Variants in MROH2B observed in about 807,000 individuals in gnomAD.
MROH2B encodes maestro heat-like repeat-containing protein family member 2B.
In MROH2B, 177 loss-of-function variants were observed where a neutral mutation model predicts 208.6. That is an observed-to-expected ratio of 0.85 (90% CI 0.75 to 0.96). The LOEUF (loss-of-function observed/expected upper bound fraction) is 0.96. Ranked by LOEUF, MROH2B falls within the 40% of genes least tolerant of loss-of-function variation. The pLI is 0.00. For synonymous variants in MROH2B, 728 were observed against 659.0 expected, an observed-to-expected ratio of 1.10 and a Z score of -1.60; for missense variants, 2,002 against 1,878.7, an observed-to-expected ratio of 1.07 and a Z score of -1.21.
Position 41,027,260 on chromosome 5 carries a change from A to C in MROH2B, c.2441+5482T>G, listed in dbSNP as rs552641150. ...ATCAGAGTGAACAGACAACCTACAAAATGGGAGAAAATTTTTGCAATCTAC... is the reference window on the plus strand; with the variant it reads ...ATCAGAGTGAACAGACAACCTACAACATGGGAGAAAATTTTTGCAATCTAC... On this transcript the variant is annotated intron_variant, in intron 24 of 41. Transcript: ENST00000399564. 3.9e-5 allele frequency among the ~76,000 whole-genome samples: 6 copies of C among 152,324 alleles called. No individual in the cohort carries two copies. In the South Asian group the frequency reaches 1.2e-3, roughly 32 times the overall value.
At chr5:41,043,331 T>C (rs2150172383) in intron 18 of MROH2B, among the ~76,000 whole-genome samples, 1 of 152,252 alleles carries the variant, frequency 6.6e-6, no homozygotes, top group Admixed American at 6.5e-5. Context: ...CAGGCCAAAG[T>C]CCCTATAATA....
At chr5:41,069,812 T>G in intron 1 of MROH2B, 60 bp from the exon 2 acceptor site, 1 of 1,253,800 alleles carries the variant, frequency 8.0e-7, no homozygotes, top group Admixed American at 2.0e-5. Flanking sequence ...CTGTTAATTA[T>G]TTTGTAATCA....
At chr5:41,033,745 A>G in intron 22 of MROH2B, 93 bp downstream of exon 22, 2 of 1,024,608 alleles carry the variant, frequency 2.0e-6, no homozygotes, top group Non-Finnish European at 2.9e-6. Flanking sequence ...AATCAAATCA[A>G]AAGGACATCT....
chr5:41,058,457 T>C (rs1279746190), intron 6 of MROH2B, among the ~76,000 whole-genome samples: 1 of 152,142 alleles, frequency 6.6e-6, no homozygotes, highest in African/African-American at 2.4e-5. Context: ...TCCTATTTTT[T>C]ATTTTATTGT....
intron 24 of MROH2B, among the ~76,000 whole-genome samples, chr5:41,019,343 T>TGAGAGA (rs143190915): frequency 2.1e-5 from 3 of 144,102 alleles, no homozygotes; most frequent in Non-Finnish European, 4.7e-5. Flanking sequence ...TGTGTGTGTG[T>TGAGAGA]GAGAGAGAGT....
At position 41,069,751 on chromosome 5, in the gene MROH2B, C is replaced by G. The variant is rs755413766; in HGVS notation, c.30G>C (p.Glu10Asp). The G allele has an allele frequency of 6.3e-7, 1 of 1,595,002 alleles. No individual in the cohort carries two copies. The highest frequency in any genetic ancestry group is 1.7e-5 in the Admixed American group (1 of 58,828). Reference protein sequence around the residue: MTLSTEESIEMFGDINLTLG... With the variant: MTLSTEESIDMFGDINLTLG... The stretch of plus-strand genomic sequence containing the variant: ...GAGTGAGGTTAATATCCCCAAACAT[C>G]TCTAAAACGTACAGAAAAATATGAA... Residue 10 changes from glutamate to aspartate, a missense_variant and splice_region_variant, in exon 2 of 42, where the codon GAG becomes GAC. By Grantham distance (45) the Glu-to-Asp change is conservative (BLOSUM62 2). Coordinates refer to ENST00000399564, the MANE Select transcript of MROH2B (RefSeq NM_173489.5).
At chr5:41,018,815 C>G (rs371140502) in intron 25 of MROH2B, 29 bp from the exon 26 acceptor site, 19 of 1,613,580 alleles carry the variant, frequency 1.2e-5, no homozygotes, top group Non-Finnish European at 1.5e-5. Flanking sequence ...GTGTGAGTCT[C>G]AGGCTGGGGT....
intron 6 of MROH2B, among the ~76,000 whole-genome samples, chr5:41,058,784 C>T (rs1230861697): frequency 2.6e-5 from 4 of 152,106 alleles, no homozygotes; most frequent in African/African-American, 4.8e-5. Flanking sequence ...GGATGGCTCA[C>T]GCCTGTAATC....
intron 2 of MROH2B, 80 bp downstream of exon 2, chr5:41,069,611 T>C: frequency 8.7e-7 from 1 of 1,146,098 alleles, no homozygotes; most frequent in South Asian, 1.4e-5. Flanking sequence ...ATGAGAAAGT[T>C]GAGACAAAGA....
chr5:41,040,089 G>A (rs1272001543), intron 19 of MROH2B, among the ~76,000 whole-genome samples: 2 of 152,102 alleles, frequency 1.3e-5, no homozygotes. Context: ...ATTACAGTAG[G>A]GCCTTTTAGG....
chr5:41,006,896 G>C (rs1179355516), intron 34 of MROH2B, among the ~76,000 whole-genome samples: 4 of 152,072 alleles, frequency 2.6e-5, no homozygotes, highest in Admixed American at 1.3e-4. Context: ...CACTCCTCAG[G>C]TGATGGGTGC....
At chr5:41,033,781 T>TTATA in intron 22 of MROH2B, 57 bp downstream of exon 22, 5 of 770,634 alleles carry the variant, frequency 6.5e-6, no homozygotes, top group Middle Eastern at 2.8e-4. Context: ...CAGGGGGGCA[T>TTATA]TATCTATCTA....
intron 24 of MROH2B, among the ~76,000 whole-genome samples, chr5:41,022,931 AG>A (rs199806357): frequency 0.12 from 18,357 of 152,218 alleles, 1,565 homozygotes; most frequent in Non-Finnish European, 0.18. Context: ...CCAGGCAAAC[AG>A]GGTCTGGAGT....
At chr5:41,010,270 A>G (rs558672181) in intron 30 of MROH2B, among the ~76,000 whole-genome samples, 191 bp from the exon 31 acceptor site, 1 of 152,354 alleles carries the variant, frequency 6.6e-6, no homozygotes, top group South Asian at 2.1e-4. Flanking sequence ...GTTCCTAATT[A>G]AATTTAGGAA....
rs561770459 is a variant in MROH2B, at chr5:41,045,833, C to T, written c.1749G>A (p.Trp583Ter). Residue 583 changes from tryptophan to a stop codon, truncating the protein, a stop_gained, in exon 18 of 42, where the codon TGG (tryptophan) becomes TGA (stop). Transcript: ENST00000399564. LOFTEE classifies it high-confidence loss of function. ...MLLQLLKESL[W>*]KISDVAWTIQ... ...TGGTCCAGGCCACATCACTGATCTT[C>T]CATAAGGATTCTTTGAGCAACTGTT... The T allele has an allele frequency of 6.2e-7, 1 of 1,611,774 alleles. No homozygotes were observed. The highest frequency in any genetic ancestry group is 1.3e-5 in the African/African-American group (1 of 74,976).
intron 24 of MROH2B, among the ~76,000 whole-genome samples, chr5:41,030,191 G>A (rs560994254): frequency 6.6e-6 from 1 of 151,962 alleles, no homozygotes; most frequent in East Asian, 1.9e-4. Flanking sequence ...TATACAAACA[G>A]CTAACAAACA....
chr5:40,998,284 G>A, intron 41 of MROH2B, 126 bp from the exon 42 acceptor site: 1 of 687,058 alleles, frequency 1.5e-6, no homozygotes, highest in South Asian at 1.8e-5. Context: ...AGGTCCTCAT[G>A]CTCACATTTT....
rs767224420 is a variant in MROH2B, at chr5:41,015,495, G to A, written c.2885-17C>T. 6 of 1,611,342 alleles carry A rather than the reference G, an allele frequency of 3.7e-6. No individual in the cohort carries two copies. The highest frequency in any genetic ancestry group is 5.1e-6 in the Non-Finnish European group (6 of 1,178,154). ...AGTGAATGCCTAAAATCAACAAAGT[G>A]AGAAATGTTTAAGTGTTCAAAGACC... is the stretch of plus-strand genomic sequence containing the variant. On this transcript the variant is annotated splice_polypyrimidine_tract_variant and intron_variant, in intron 28 of 41. Transcript: ENST00000399564.
chr5:41,062,127 T>C (rs181199478), intron 5 of MROH2B, among the ~76,000 whole-genome samples: 1 of 152,324 alleles, frequency 6.6e-6, no homozygotes, highest in Admixed American at 6.5e-5. Context: ...CGTGTGTAGA[T>C]ATGAGCACTA....
Sources: allele counts gnomAD v4.1 joint callset (sites outside exome capture counted in the v4.1 genomes callset), GRCh38; gene constraint gnomAD v4.1.1; transcripts MANE v1.5; gene names NCBI Gene and HGNC (gene_info 2026-07-23, HGNC 2026-07-21).